NAPB: variants seen among roughly 807,000 people sequenced by gnomAD.
NAPB encodes beta-soluble NSF attachment protein.
In NAPB, 26 loss-of-function variants were observed where a neutral mutation model predicts 44.7. The observed-to-expected ratio is 0.58, with a 90% CI of 0.43 to 0.81. The LOEUF is 0.81. Among genes scored for constraint, NAPB ranks in the 30% least tolerant of loss-of-function variants. The pLI, the probability that NAPB is intolerant of heterozygous loss-of-function variation, is 0.00. For synonymous variants in NAPB, 120 were observed against 116.8 expected (o/e 1.03, Z -0.18); for missense variants, 315 against 356.4 (o/e 0.88, Z 0.94).
At chr20:23,401,581 T>C (rs1460827865) in intron 2 of NAPB, among the ~76,000 whole-genome samples, 6 of 152,152 alleles carry the variant, frequency 3.9e-5, no homozygotes, top group African/African-American at 1.2e-4. Flanking sequence ...CCAGATACAA[T>C]AAGTAATAAG....
intron 2 of NAPB, 66 bp from the exon 3 acceptor site, chr20:23,397,254 C>T: frequency 1.3e-6 from 2 of 1,505,154 alleles, no homozygotes; most frequent in Non-Finnish European, 1.8e-6. Flanking sequence ...ATGCTGTAAG[C>T]ACTGGACCTC....
Position 23,397,074 on chromosome 20 carries a change from T to A in NAPB, c.293A>T (p.Gln98Leu), listed in dbSNP as rs1488363572. Reference sequence around the variant, plus strand: ...TGCTACATGCCTGGCTGTCTTACCTTGGGGATCTGCCTTTTTGTAAGCATT... The same window carrying A: ...TGCTACATGCCTGGCTGTCTTACCTAGGGGATCTGCCTTTTTGTAAGCATT... Reference protein sequence around the residue: ...AGNAYKKADPQEAINCLNAAI... With the variant: ...AGNAYKKADPLEAINCLNAAI... The change falls in exon 3 of 11, where the codon CAA (glutamine) becomes CTA (leucine). Residue 98 changes from glutamine (Q) to leucine (L), a missense_variant and splice_region_variant. Around this residue, in one of 3 missense-constraint regions of NAPB, gnomAD observed 179 missense variants for 182.5 expected, o/e 0.98. Coordinates refer to ENST00000377026, the MANE Select transcript of NAPB (RefSeq NM_022080.3). 1 of 1,612,710 alleles carries A rather than the reference T, an allele frequency of 6.2e-7. No homozygotes were observed. Among genetic ancestry groups the A allele is most frequent in the Non-Finnish European group, 8.5e-7 (1 of 1,178,894 alleles).
intron 10 of NAPB, chr20:23,379,205 T>C (rs2123124754): frequency 2.5e-6 from 1 of 404,302 alleles, no homozygotes; most frequent in East Asian, 3.8e-5. Flanking sequence ...ATAAATGGAA[T>C]ATTTGCTCCT....
chr20:23,377,324 C>G lies in NAPB; in HGVS notation c.*52G>C, dbSNP rs1480998975. The G allele has an allele frequency of 7.1e-6, 9 of 1,259,066 alleles. No individual in the cohort carries two copies. Among genetic ancestry groups the G allele is most frequent in the South Asian group, 1.5e-5 (1 of 68,750 alleles). The allele number at this position is 1,259,066 out of a possible 1,614,324, so 78.0% of individuals were successfully genotyped here. A position where few individuals can be genotyped will look rare whatever the true frequency, so the allele number is the denominator to read the frequency against. On this transcript the variant is annotated 3_prime_UTR_variant, in exon 11 of 11. Transcript: ENST00000377026. Reference sequence around the variant, plus strand: ...GGCATCCCATAAAGATCACTTGACCCTAAGACAAAACTAAAGAGGAGTTAG... The same window carrying G: ...GGCATCCCATAAAGATCACTTGACCGTAAGACAAAACTAAAGAGGAGTTAG...
chr20:23,401,518 A>G (rs565059034), intron 2 of NAPB, among the ~76,000 whole-genome samples: 169 of 152,316 alleles, frequency 1.1e-3, no homozygotes, highest in Middle Eastern at 6.8e-3. Flanking sequence ...AGTTACATAC[A>G]TGATCAGTGG....
chr20:23,385,726 AAGAGAAAG>A (rs1983454044), intron 7 of NAPB, among the ~76,000 whole-genome samples: 3 of 145,544 alleles, frequency 2.1e-5, no homozygotes, highest in Admixed American at 6.7e-5. Context: ...GAAGAGAAAG[AAGAGAAAG>A]AAGAGAAAGA....
intron 1 of NAPB, among the ~76,000 whole-genome samples, chr20:23,403,390 G>C (rs1600588089): frequency 6.6e-6 from 1 of 152,132 alleles, no homozygotes; most frequent in African/African-American, 2.4e-5. Flanking sequence ...ATCACCTGAG[G>C]TCAGGTGTTC....
chr20:23,383,295 A>G (rs934849993), intron 7 of NAPB, among the ~76,000 whole-genome samples: 1 of 152,178 alleles, frequency 6.6e-6, no homozygotes, highest in Non-Finnish European at 1.5e-5. Context: ...AAAACCAAAT[A>G]TATCTATCCA....
At chr20:23,398,223 T>C (rs977173189) in intron 2 of NAPB, among the ~76,000 whole-genome samples, 1 of 152,032 alleles carries the variant, frequency 6.6e-6, no homozygotes. Context: ...ACAGCAGAAA[T>C]GGAGAGGAAA....
chr20:23,396,175 A>C (rs1331353371), intron 3 of NAPB, among the ~76,000 whole-genome samples: 1 of 152,232 alleles, frequency 6.6e-6, no homozygotes, highest in Non-Finnish European at 1.5e-5. Context: ...GTGCTTCTTT[A>C]ATTGACATGT....
At chr20:23,408,028 A>G (rs935413886) in intron 1 of NAPB, among the ~76,000 whole-genome samples, 28 of 152,266 alleles carry the variant, frequency 1.8e-4, no homozygotes, top group Admixed American at 1.7e-3. Context: ...AAAGGCTGAC[A>G]ACTCCTGAGA....
chr20:23,379,692 C>T (rs1186134517), intron 9 of NAPB, 175 bp downstream of exon 9: 4 of 666,300 alleles, frequency 6.0e-6, no homozygotes, highest in Non-Finnish European at 1.0e-5. Flanking sequence ...AACACAACTA[C>T]ATGTTTCTGA....
chr20:23,410,294 C>T (rs943011936), intron 1 of NAPB, among the ~76,000 whole-genome samples: 2 of 152,214 alleles, frequency 1.3e-5, no homozygotes, highest in Non-Finnish European at 2.9e-5. Context: ...CATGAAGTCA[C>T]ACAAACCGCT....
chr20:23,402,451 T>C (rs1303428475), intron 2 of NAPB, among the ~76,000 whole-genome samples: 1 of 152,168 alleles, frequency 6.6e-6, no homozygotes, highest in Non-Finnish European at 1.5e-5. Flanking sequence ...AAAGCATTAC[T>C]TTAAAAAATA....
chr20:23,404,174 C>A (rs1056804442), intron 1 of NAPB, among the ~76,000 whole-genome samples: 23 of 152,176 alleles, frequency 1.5e-4, no homozygotes, highest in African/African-American at 5.1e-4. Flanking sequence ...TATGCTAAGG[C>A]CCCTCCATGA....
intron 7 of NAPB, among the ~76,000 whole-genome samples, chr20:23,381,788 G>T (rs906526859): frequency 1.3e-5 from 2 of 152,112 alleles, no homozygotes; most frequent in Non-Finnish European, 2.9e-5. Context: ...CTAGAAAAGG[G>T]GCAGCCCAGC....
chr20:23,390,253 A>G lies in NAPB; in HGVS notation c.432T>C (p.His144=). ...TGTAATAATCAGCAGATTGTTCATA[A>G]TGTGCAATAGCCTGAAAACATACAT... The part of the protein sequence containing the change: ...ELVDIEKAIA[H]YEQSADYYKG... Residue 144 remains histidine, a synonymous_variant, in exon 6 of 11, where the codon CAT becomes CAC. Transcript: ENST00000377026. 2 of 1,611,064 alleles carry G rather than the reference A, an allele frequency of 1.2e-6. No individual in the cohort carries two copies. The highest frequency in any genetic ancestry group is 1.7e-6 in the Non-Finnish European group (2 of 1,177,224).
chr20:23,380,461 T>C (rs1982906135), intron 8 of NAPB, among the ~76,000 whole-genome samples: 1 of 152,132 alleles, frequency 6.6e-6, no homozygotes, highest in African/African-American at 2.4e-5. Flanking sequence ...GCCTGTTGTT[T>C]TGGTTGTTTT....
chr20:23,382,906 G>A (rs889438742), intron 7 of NAPB, among the ~76,000 whole-genome samples: 2 of 152,200 alleles, frequency 1.3e-5, no homozygotes, highest in Non-Finnish European at 2.9e-5. Flanking sequence ...TGTAATCCCA[G>A]CACTGTGGGA....
Sources: allele counts gnomAD v4.1 joint callset (sites outside exome capture counted in the v4.1 genomes callset), GRCh38; gene constraint gnomAD v4.1.1; regional missense constraint gnomAD v4.1.1; transcripts MANE v1.5; gene names NCBI Gene and HGNC (gene_info 2026-07-23, HGNC 2026-07-21).